Variants in TRPM5 observed in about 807,000 individuals in gnomAD.
TRPM5 encodes MLSN1 and TRP-related.
TRPM5 carries 121 observed loss-of-function variants against 124.9 expected under a neutral mutation model. The ratio of observed to expected loss-of-function variants is 0.97; its 90% CI spans 0.84 to 1.13. TRPM5 has a LOEUF of 1.13. TRPM5 is among the 50% of genes most tolerant of loss of function. The probability of loss-of-function intolerance (pLI) is 0.00; values close to 1 mark genes in which losing one functional copy is unlikely to be tolerated. For synonymous variants in TRPM5, 781 were observed against 700.5 expected, an observed-to-expected ratio of 1.11 and a Z score of -1.81; for missense variants, 1,643 against 1,589.1, an observed-to-expected ratio of 1.03 and a Z score of -0.58.
At chr11:2,418,648 ATCTCAGGC>A in intron 4 of TRPM5, 57 bp from the exon 10 acceptor site, 1 of 1,532,830 alleles carries the variant, frequency 6.5e-7, no homozygotes, top group Non-Finnish European at 8.9e-7. Flanking sequence ...GACCACCCGG[ATCTCAGGC>A]TCTCAGGCCA....
chr11:2,423,065 T>C, upstream of TRPM5: 1 of 1,583,998 alleles, frequency 6.3e-7, no homozygotes, highest in Non-Finnish European at 8.6e-7. Flanking sequence ...AGGGATACCC[T>C]GGCCCTTGAG....
At chr11:2,404,297 AGT>A (rs1230979932), downstream of TRPM5, among the ~76,000 whole-genome samples, 2 of 152,124 alleles carry the variant, frequency 1.3e-5, no homozygotes, top group Non-Finnish European at 2.9e-5. Flanking sequence ...CGTGGGGTAC[AGT>A]GTTTTCCAGG....
chr11:2,422,436 A>C (rs2133536595), intron 1 of TRPM5, 115 bp from the exon 7 acceptor site: 2 of 443,166 alleles, frequency 4.5e-6, no homozygotes, highest in South Asian at 2.2e-5. Flanking sequence ...ATGGGGGGAC[A>C]CTGGGCACTG....
exon 24 of TRPM5, chr11:2,404,667 A>C: frequency 8.3e-6 from 4 of 484,356 alleles, no homozygotes; most frequent in Non-Finnish European, 7.5e-6. Context: ...GTTTCCAGGT[A>C]GGGATGCGGT....
chr11:2,422,993 G>A (rs1845793223), exon 1 of TRPM5: 16 of 1,612,918 alleles, frequency 9.9e-6, no homozygotes, highest in Non-Finnish European at 1.4e-5. Context: ...CCGGTCTTCA[G>A]CATCCCCGGG....
chr11:2,414,267 C>A, intron 11 of TRPM5, 61 bp from the exon 17 acceptor site: 1 of 1,547,320 alleles, frequency 6.5e-7, no homozygotes, highest in African/African-American at 1.3e-5. Flanking sequence ...GCCCCCGACG[C>A]CCCTCCTCCA....
chr11:2,409,206 C>T (rs955156932), intron 18 of TRPM5, among the ~76,000 whole-genome samples: 1 of 152,154 alleles, frequency 6.6e-6, no homozygotes, highest in Non-Finnish European at 1.5e-5. Context: ...CCCCACGCTC[C>T]CACCCTAGGC....
chr11:2,421,944 C>G (rs1845777039), intron 2 of TRPM5, among the ~76,000 whole-genome samples, 197 bp downstream of exon 7: 1 of 150,290 alleles, frequency 6.7e-6, no homozygotes, highest in Non-Finnish European at 1.5e-5. Flanking sequence ...GGGAAATGTT[C>G]TCGTGATGGC....
rs778261607 is a variant in TRPM5 at position 2,414,743 on chromosome 11, G to A, written c.1716C>T (p.Arg572=). 7.8e-6 allele frequency: 12 copies of A among 1,545,864 alleles called. No individual in the cohort carries two copies. The Admixed American group carries it at 1.2e-4, about 15-fold the overall frequency. ...GGGCCAGCCGCTCGTATTTCGCCTC[G>A]CGCGTGGCTCGGGCCGCCTCGGCCT... The change falls in exon 11 of 24, where the codon CGC becomes CGT. Residue 572 remains arginine, a synonymous_variant. Coordinates refer to ENST00000155858, the Ensembl canonical transcript of TRPM5.
At chr11:2,411,853 A>C (rs1307629640) in intron 16 of TRPM5, 86 bp from the exon 22 acceptor site, 3 of 1,527,704 alleles carry the variant, frequency 2.0e-6, no homozygotes, top group African/African-American at 2.7e-5. Context: ...GGCTGCGGGC[A>C]GGGCCAGGGC....
intron 3 of TRPM5, 90 bp from the exon 9 acceptor site, chr11:2,420,495 C>T: frequency 7.2e-7 from 1 of 1,384,296 alleles, no homozygotes; most frequent in Non-Finnish European, 9.7e-7. Flanking sequence ...GCCGTGCACA[C>T]CACGCCATGG....
chr11:2,404,992 CCT>C lies in TRPM5; in HGVS notation c.3441_3442del (p.Gly1148TrpfsTer151). On this transcript the variant is annotated frameshift_variant, in exon 24 of 24. Coordinates refer to ENST00000155858, the Ensembl canonical transcript of TRPM5. LOFTEE classifies it low-confidence loss of function (END_TRUNC). Reference sequence around the variant, plus strand: ...GGGTTGTTCCCAGCCATCTAAACCACCTCTGTGGTCAGCAGCCACCAGCTGGC... The same window carrying C: ...GGGTTGTTCCCAGCCATCTAAACCACCTGTGGTCAGCAGCCACCAGCTGGC... 1 of 1,612,830 alleles carries C rather than the reference CCT, an allele frequency of 6.2e-7. No individual in the cohort carries two copies. Among genetic ancestry groups the C allele is most frequent in the Non-Finnish European group, 8.5e-7 (1 of 1,179,934 alleles).
chr11:2,413,488 A>G, exon 13 of TRPM5: 1 of 1,609,244 alleles, frequency 6.2e-7, no homozygotes, highest in Non-Finnish European at 8.5e-7. Flanking sequence ...GAAGGTGATG[A>G]GGTTGGTATA....
intron 18 of TRPM5, among the ~76,000 whole-genome samples, chr11:2,409,779 C>T (rs538098192): frequency 1.4e-4 from 22 of 152,100 alleles, no homozygotes; most frequent in Admixed American, 4.6e-4. Context: ...TCTCAGTGGG[C>T]GGCCGGGGCT....
chr11:2,423,197 C>T (rs988434928), upstream of TRPM5, among the ~76,000 whole-genome samples: 1 of 152,160 alleles, frequency 6.6e-6, no homozygotes, highest in African/African-American at 2.4e-5. Context: ...GCATCTCTGC[C>T]CCAGGGACCT....
chr11:2,413,729 C>T (rs1850504193), intron 12 of TRPM5, 141 bp from the exon 18 acceptor site: 3 of 830,286 alleles, frequency 3.6e-6, no homozygotes, highest in Non-Finnish European at 5.9e-6. Context: ...CCGGAGCCCC[C>T]GTCCTGGTGG....
At chr11:2,419,228 G>A (rs962099037) in intron 4 of TRPM5, among the ~76,000 whole-genome samples, 38 of 152,096 alleles carry the variant, frequency 2.5e-4, no homozygotes, top group Admixed American at 7.2e-4. Context: ...AACGGTGCCC[G>A]GGCCAGCAGG....
chr11:2,442,198 A>T, the TRPM5 span, among the ~76,000 whole-genome samples: 1 of 152,180 alleles, frequency 6.6e-6, no homozygotes, highest in Admixed American at 6.5e-5. This position sits in a 1 kb window ranked among gnomAD's most constrained non-coding sequence, Gnocchi z 5.9. Context: ...CCCCTTCTCA[A>T]ACTTGACAAT....
chr11:2,410,223 C>A (rs184679201), intron 18 of TRPM5, among the ~76,000 whole-genome samples: 9 of 152,212 alleles, frequency 5.9e-5, no homozygotes, highest in African/African-American at 2.2e-4. Flanking sequence ...AAATGAGCCG[C>A]GCTGGGAGAG....
Sources: allele counts gnomAD v4.1 joint callset (sites outside exome capture counted in the v4.1 genomes callset), GRCh38; gene constraint gnomAD v4.1.1; non-coding constraint Gnocchi (gnomAD v3.1); transcripts MANE v1.5; gene names NCBI Gene and HGNC (gene_info 2026-07-23, HGNC 2026-07-21).